NSD1: variants seen among roughly 807,000 people sequenced by gnomAD.
NSD1 encodes nuclear receptor binding SET domain protein 1, also known as histone-lysine N-methyltransferase, H3 lysine-36 specific.
NSD1 carries 26 observed loss-of-function variants against 242.7 expected under a neutral mutation model. That is an observed-to-expected ratio of 0.11 (90% CI 0.08 to 0.15). The LOEUF is 0.15. NSD1 is among the 10% of genes least tolerant of loss of function. The pLI is 1.00. For missense variants in NSD1, 2,495 were observed against 3,272.8 expected (o/e 0.76, Z 5.80); for synonymous variants, 1,106 against 1,178.1 (o/e 0.94, Z 1.25).
intron 9 of NSD1, among the ~76,000 whole-genome samples, 192 bp downstream of exon 9, chr5:177,244,462 T>C (rs1162195821): frequency 1.3e-5 from 2 of 152,250 alleles, no homozygotes; most frequent in African/African-American, 4.8e-5. Context: ...CCAGGACTTT[T>C]AGTAGGAATG....
intron 2 of NSD1, among the ~76,000 whole-genome samples, chr5:177,158,143 G>A (rs953239300): frequency 6.6e-6 from 1 of 152,080 alleles, no homozygotes; most frequent in South Asian, 2.1e-4. Context: ...GGATCATAGG[G>A]TCATTCTATG....
intron 8 of NSD1, among the ~76,000 whole-genome samples, chr5:177,241,995 G>A (rs967692879): frequency 1.3e-5 from 2 of 152,140 alleles, no homozygotes; most frequent in Admixed American, 6.6e-5. Context: ...TGGCATCTTA[G>A]TCACATCCTC....
intron 2 of NSD1, among the ~76,000 whole-genome samples, chr5:177,163,944 T>A (rs1031901845): frequency 6.6e-6 from 1 of 152,176 alleles, no homozygotes; most frequent in Non-Finnish European, 1.5e-5. Flanking sequence ...GTATTTTTAG[T>A]GGATTCTTGT....
intron 18 of NSD1, among the ~76,000 whole-genome samples, chr5:177,281,972 T>G (rs766757084): frequency 6.6e-6 from 1 of 152,174 alleles, no homozygotes; most frequent in Non-Finnish European, 1.5e-5. Context: ...ACTTGAAATA[T>G]AAGTAGCTGT....
rs909729434 is a variant in NSD1, at chr5:177,299,067, CAT to C, written c.*3609_*3610del. On this transcript the variant is annotated 3_prime_UTR_variant, in exon 23 of 23. Transcript: ENST00000439151. Reference sequence around the variant, plus strand: ...CTTGGTAGTTGCTGTGGGAGCCTGTCATTGGCTATGGCCAGTTAGTTCTCAGC... The same window carrying C: ...CTTGGTAGTTGCTGTGGGAGCCTGTCTGGCTATGGCCAGTTAGTTCTCAGC... 2.1e-5 allele frequency: 5 copies of C among 233,048 alleles called. No individual in the cohort carries two copies. The highest frequency in any genetic ancestry group is 1.1e-4 in the African/African-American group (5 of 45,336). 14.4% of individuals were successfully genotyped at this position (233,048 alleles called of 1,614,324 possible). A position where few individuals can be genotyped will look rare whatever the true frequency, so the allele number is the denominator to read the frequency against.
chr5:177,252,539 CTTT>C (rs70991600), intron 12 of NSD1, among the ~76,000 whole-genome samples: 7,421 of 47,208 alleles, frequency 0.16, 158 homozygotes, highest in Non-Finnish European at 0.21. Flanking sequence ...GTAAAGTGTT[CTTT>C]TTTTTTTTTT....
At position 177,276,019 on chromosome 5, in the gene NSD1, G is replaced by A. The variant is rs187276669; in HGVS notation, c.5622+2235G>A. ...TCACTGCAACCTCCGCTTCGTGGGC[G>A]CAAGTGATTCTCCTGCCTCCTGCCT... On this transcript the variant is annotated intron_variant, in intron 17 of 22. Coordinates refer to ENST00000439151, the MANE Select transcript of NSD1 (RefSeq NM_022455.5). Among the ~76,000 whole-genome samples the A allele has an allele frequency of 3.3e-5, 5 of 151,820 alleles. No homozygotes were observed. The East Asian group carries it at 7.8e-4, about 24-fold the overall frequency.
At chr5:177,201,663 A>T (rs538246731) in intron 3 of NSD1, among the ~76,000 whole-genome samples, 1 of 150,482 alleles carries the variant, frequency 6.6e-6, no homozygotes, top group South Asian at 2.1e-4. Flanking sequence ...AGTTCAAGCG[A>T]TTCTCATGCC....
At chr5:177,265,150 A>G in intron 14 of NSD1, 1 of 760,932 alleles carries the variant, frequency 1.3e-6, no homozygotes, top group Non-Finnish European at 2.4e-6. Context: ...CTGAAGCACT[A>G]GCTTGCTCCA....
chr5:177,186,113 T>C (rs1382245146), intron 2 of NSD1, among the ~76,000 whole-genome samples: 1 of 122,626 alleles, frequency 8.2e-6, no homozygotes, highest in East Asian at 2.2e-4. Context: ...ATATTATATG[T>C]ATATTTATAT....
chr5:177,179,186 C>T (rs1454994320), intron 2 of NSD1, among the ~76,000 whole-genome samples: 1 of 151,990 alleles, frequency 6.6e-6, no homozygotes. Context: ...ATTTTTCATC[C>T]TAGGACCTTG....
At chr5:177,142,895 A>G (rs1163118939) in intron 2 of NSD1, among the ~76,000 whole-genome samples, 1 of 152,144 alleles carries the variant, frequency 6.6e-6, no homozygotes, top group Non-Finnish European at 1.5e-5. Flanking sequence ...TGACCTTTCC[A>G]AATCTGATGC....
chr5:177,132,269 A>C (rs917269430), upstream of NSD1, among the ~76,000 whole-genome samples: 15 of 151,814 alleles, frequency 9.9e-5, no homozygotes, highest in East Asian at 2.9e-3. The surrounding 1 kb of genome is among the most constrained non-coding windows in gnomAD (Gnocchi z 7.5). Context: ...GCTGCGGAGC[A>C]GGCGGCCCGC....
At chr5:177,247,050 GT>G (rs1479645520) in intron 10 of NSD1, among the ~76,000 whole-genome samples, 1 of 152,190 alleles carries the variant, frequency 6.6e-6, no homozygotes, top group African/African-American at 2.4e-5. Context: ...GTATATAAGT[GT>G]TTCATCGTTA....
Position 177,211,357 on chromosome 5 carries a change from A to G in NSD1, c.2958A>G (p.Ala986=), listed in dbSNP as rs776923621. 6.2e-7 allele frequency: 1 copy of G among 1,614,090 alleles called. No homozygotes were observed. The highest frequency in any genetic ancestry group is 8.5e-7 in the Non-Finnish European group (1 of 1,179,994). The change falls in exon 5 of 23, where the codon GCA becomes GCG. Residue 986 remains alanine, a synonymous_variant. Transcript: ENST00000439151. ...CTAGCCCTAGTGGGGGTGACTCTGC[A>G]TTATCTGGCGAGTTGTCTGCTTCCC... ...ANPSPSGGDS[A]LSGELSASLP...
intron 21 of NSD1, among the ~76,000 whole-genome samples, chr5:177,289,977 G>C (rs946304847): frequency 6.6e-6 from 1 of 151,242 alleles, no homozygotes; most frequent in African/African-American, 2.4e-5. Context: ...ACAGGCGCCC[G>C]CCACCATGCC....
Position 177,299,264 on chromosome 5 carries a change from G to A in NSD1, c.*3805G>A, listed in dbSNP as rs886060454. 1.7e-5 allele frequency: 4 copies of A among 233,172 alleles called. No individual in the cohort carries two copies. Among genetic ancestry groups the A allele is most frequent in the Admixed American group, 1.1e-4 (2 of 17,784 alleles). 14.4% of individuals were successfully genotyped at this position (233,172 alleles called of 1,614,324 possible). On this transcript the variant is annotated 3_prime_UTR_variant, in exon 23 of 23. Coordinates refer to ENST00000439151, the MANE Select transcript of NSD1 (RefSeq NM_022455.5). ...GAGGGACTGGCAGCTCAAGAAACCC[G>A]GGTTCCTGTTTGGGAGGAGATTTTA...
intron 2 of NSD1, among the ~76,000 whole-genome samples, chr5:177,162,390 A>ATGGT (rs1490766405): frequency 7.3e-6 from 1 of 137,620 alleles, no homozygotes; most frequent in African/African-American, 2.7e-5. Context: ...GGAAGTCATT[A>ATGGT]TAGTTTGTTT....
chr5:177,262,602 G>T (rs958536225), intron 14 of NSD1, among the ~76,000 whole-genome samples: 2 of 152,194 alleles, frequency 1.3e-5, no homozygotes, highest in Non-Finnish European at 2.9e-5. Context: ...TACAAGGCTG[G>T]GCGCCATGGC....
Sources: allele counts gnomAD v4.1 joint callset (sites outside exome capture counted in the v4.1 genomes callset), GRCh38; gene constraint gnomAD v4.1.1; non-coding constraint Gnocchi (gnomAD v3.1); transcripts MANE v1.5; gene names NCBI Gene and HGNC (gene_info 2026-07-23, HGNC 2026-07-21).